The following ATG7 variants were observed in gnomAD, a reference collection of about 807,000 sequenced individuals.
ATG7 encodes the protein ubiquitin-like modifier-activating enzyme ATG7.
A neutral mutation model predicts 82.4 loss-of-function variants in ATG7; 70 were observed. The observed-to-expected ratio is 0.85, with a 90% CI of 0.70 to 1.04. ATG7 has a LOEUF of 1.04. ATG7 is among the 50% of genes least tolerant of loss of function. ATG7 has a pLI of 0.00. For missense variants in ATG7, 792 were observed against 864.3 expected, an observed-to-expected ratio of 0.92 and a Z score of 1.05; for synonymous variants, 287 against 313.0, an observed-to-expected ratio of 0.92 and a Z score of 0.88.
At chr3:11,298,402 T>G (rs1328286322) in intron 3 of ATG7, among the ~76,000 whole-genome samples, 1 of 152,092 alleles carries the variant, frequency 6.6e-6, no homozygotes, top group Non-Finnish European at 1.5e-5. Flanking sequence ...GTTTAAAGAG[T>G]ATAGAGTTCC....
chr3:11,365,512 AT>A lies in ATG7; in HGVS notation c.1875+787del, dbSNP rs529081214. On this transcript the variant is annotated intron_variant, in intron 18 of 20. Coordinates refer to ENST00000693202, the MANE Select transcript of ATG7 (RefSeq NM_001349232.2). Reference sequence around the variant, plus strand: ...GGTTTTCCAGTCTTATTTGGAAATCATTTTTTTTTAGATTCCATGTATGTAT... The same window carrying A: ...GGTTTTCCAGTCTTATTTGGAAATCATTTTTTTTAGATTCCATGTATGTAT... 1.5e-4 allele frequency among the ~76,000 whole-genome samples: 23 copies of A among 151,168 alleles called. No individual in the cohort carries two copies. In the South Asian group the frequency reaches 3.6e-3, roughly 23 times the overall value.
chr3:11,395,963 A>C (rs1559533392), intron 19 of ATG7, among the ~76,000 whole-genome samples: 1 of 97,046 alleles, frequency 1.0e-5, no homozygotes, highest in Non-Finnish European at 2.0e-5. Flanking sequence ...AAAAAAAAAA[A>C]AAGGTAGGGG....
chr3:11,309,587 A>G (rs1443154926), intron 7 of ATG7, among the ~76,000 whole-genome samples: 1 of 151,978 alleles, frequency 6.6e-6, no homozygotes, highest in Non-Finnish European at 1.5e-5. Context: ...AAGGGGTAGG[A>G]TGTAGATGGA....
At chr3:11,480,599 G>C (rs566306193) in intron 20 of ATG7, among the ~76,000 whole-genome samples, 2 of 152,290 alleles carry the variant, frequency 1.3e-5, no homozygotes, top group East Asian at 3.9e-4. Context: ...CTTACAATCT[G>C]TGCTCACTGG....
intron 9 of ATG7, among the ~76,000 whole-genome samples, chr3:11,327,966 A>T (rs371784722): frequency 6.6e-6 from 1 of 152,230 alleles, no homozygotes; most frequent in Admixed American, 6.5e-5. Flanking sequence ...GTATGGGAAG[A>T]TGTAGGGCCA....
chr3:11,505,329 T>C (rs2091636043), intron 20 of ATG7, among the ~76,000 whole-genome samples: 1 of 152,236 alleles, frequency 6.6e-6, no homozygotes, highest in African/African-American at 2.4e-5. Context: ...AGGTGTATCC[T>C]GGCTCTAAGG....
chr3:11,402,776 A>T (rs2079958913), intron 19 of ATG7, among the ~76,000 whole-genome samples: 1 of 152,304 alleles, frequency 6.6e-6, no homozygotes, highest in South Asian at 2.1e-4. Flanking sequence ...TTAATATAAC[A>T]CATTTTTTAA....
chr3:11,498,301 A>G (rs911038764), intron 20 of ATG7, among the ~76,000 whole-genome samples: 24 of 152,216 alleles, frequency 1.6e-4, no homozygotes, highest in African/African-American at 5.8e-4. Context: ...ATCAAGGGAC[A>G]CAATTCCTGC....
chr3:11,478,933 G>GTACT (rs2153028412), intron 20 of ATG7, among the ~76,000 whole-genome samples: 1 of 151,256 alleles, frequency 6.6e-6, no homozygotes, highest in Non-Finnish European at 1.5e-5. Context: ...TGGCTGTAGA[G>GTACT]TACTACCTGA....
chr3:11,429,306 G>A (rs1325064764), intron 20 of ATG7, among the ~76,000 whole-genome samples: 1 of 152,026 alleles, frequency 6.6e-6, no homozygotes, highest in Non-Finnish European at 1.5e-5. Flanking sequence ...GACCAGCCTG[G>A]CCAACATGGT....
the ATG7 span, among the ~76,000 whole-genome samples, chr3:11,570,090 C>T: frequency 6.6e-6 from 1 of 152,138 alleles, no homozygotes; most frequent in South Asian, 2.1e-4. Context: ...CCTGGGGTTT[C>T]TGATGTGCAC....
Position 11,372,825 on chromosome 3 carries a change from TGCGTGTGTGTGCGTGCGTGCGTGTGC to T in ATG7, c.1876-7145_1876-7120del, listed in dbSNP as rs1559490292. Among the ~76,000 whole-genome samples, 134 of 117,534 alleles carry T rather than the reference TGCGTGTGTGTGCGTGCGTGCGTGTGC, an allele frequency of 1.1e-3. 5 individuals are homozygous for T. Among genetic ancestry groups the T allele is most frequent in the African/African-American group, 5.6e-3 (124 of 22,302 alleles). The allele number at this position is 117,534 out of a possible 152,430, so 77.1% of individuals were successfully genotyped here. A position where few individuals can be genotyped will look rare whatever the true frequency, so the allele number is the denominator to read the frequency against. On this transcript the variant is annotated intron_variant, in intron 18 of 20. Coordinates refer to ENST00000693202, the MANE Select transcript of ATG7 (RefSeq NM_001349232.2). Reference sequence around the variant, plus strand: ...GGGTGTGTGTGTGTGTGCGCGCGTGTGCGTGTGTGTGCGTGCGTGCGTGTGCGTGTGTGTGTGTGAAATCGGCCATG... The same window carrying T: ...GGGTGTGTGTGTGTGTGCGCGCGTGTGTGTGTGTGTGTGAAATCGGCCATG...
At position 11,282,285 on chromosome 3, in the gene ATG7, T is replaced by C. The variant is rs1278736104; in HGVS notation, c.-164T>C. On this transcript the variant is annotated 5_prime_UTR_variant, in exon 3 of 21. Coordinates refer to ENST00000693202, the MANE Select transcript of ATG7 (RefSeq NM_001349232.2). ...AGATTGCATGTGAAGGTGAAGGATATTATAGCAGAAGGAAACCAAAATAAA... is the reference window on the plus strand; with the variant it reads ...AGATTGCATGTGAAGGTGAAGGATACTATAGCAGAAGGAAACCAAAATAAA... 1 of 152,190 alleles carries C rather than the reference T, an allele frequency of 6.6e-6. No homozygotes were observed. Among genetic ancestry groups the C allele is most frequent in the African/African-American group, 2.4e-5 (1 of 41,424 alleles). 9.4% of individuals were successfully genotyped at this position (152,190 alleles called of 1,614,324 possible).
chr3:11,558,849 G>C (rs1243588278), downstream of ATG7: 1 of 1,607,770 alleles, frequency 6.2e-7, no homozygotes, highest in Non-Finnish European at 8.5e-7. Flanking sequence ...CAGGAAGGCA[G>C]GCAGTCAGAC....
chr3:11,513,924 TGC>T (rs2092174696), intron 20 of ATG7, among the ~76,000 whole-genome samples: 1 of 152,236 alleles, frequency 6.6e-6, no homozygotes, highest in African/African-American at 2.4e-5. Context: ...GGCAGCATCT[TGC>T]TGTGTCACCA....
At chr3:11,449,878 T>C (rs759709137) in intron 20 of ATG7, among the ~76,000 whole-genome samples, 1 of 152,230 alleles carries the variant, frequency 6.6e-6, no homozygotes, top group East Asian at 1.9e-4. Flanking sequence ...CGTTTTCATT[T>C]TGAGTTGTCT....
intron 20 of ATG7, among the ~76,000 whole-genome samples, chr3:11,501,300 T>A (rs531713584): frequency 6.6e-6 from 1 of 152,126 alleles, no homozygotes; most frequent in African/African-American, 2.4e-5. Flanking sequence ...TAGGGAGTTA[T>A]AAGAGGAACA....
chr3:11,324,428 G>GT (rs1950588936), intron 9 of ATG7, among the ~76,000 whole-genome samples: 1 of 152,156 alleles, frequency 6.6e-6, no homozygotes, highest in Non-Finnish European at 1.5e-5. Flanking sequence ...GTTCAGCTTA[G>GT]TGTTAAATGG....
chr3:11,377,168 C>G (rs571911049), intron 18 of ATG7, among the ~76,000 whole-genome samples: 2 of 152,144 alleles, frequency 1.3e-5, no homozygotes, highest in Non-Finnish European at 2.9e-5. Context: ...GTGGAAGTAC[C>G]CCCTTAGGAG....
Sources: allele counts gnomAD v4.1 joint callset (sites outside exome capture counted in the v4.1 genomes callset), GRCh38; gene constraint gnomAD v4.1.1; transcripts MANE v1.5; gene names NCBI Gene and HGNC (gene_info 2026-07-23, HGNC 2026-07-21).